The following DNAJC27 variants were observed in gnomAD, a reference collection of about 807,000 sequenced individuals.
DNAJC27 encodes dnaJ homolog subfamily C member 27.
DNAJC27 carries 25 observed loss-of-function variants against 31.4 expected under a neutral mutation model. That is an observed-to-expected ratio of 0.80 (90% CI 0.58 to 1.11). DNAJC27 has a LOEUF of 1.11. Ranked by LOEUF, DNAJC27 falls within the 50% of genes most tolerant of loss-of-function variation. DNAJC27 has a pLI of 0.00. For missense variants in DNAJC27, 356 were observed against 347.3 expected, an observed-to-expected ratio of 1.02 and a Z score of -0.20; for synonymous variants, 106 against 112.7, an observed-to-expected ratio of 0.94 and a Z score of 0.37.
chr2:24,948,095 G>A (rs1665688198), intron 6 of DNAJC27, among the ~76,000 whole-genome samples: 1 of 152,140 alleles, frequency 6.6e-6, no homozygotes, highest in African/African-American at 2.4e-5. Context: ...CACCAGGGAA[G>A]GCATCCAGAG....
At chr2:24,957,996 C>G in intron 3 of DNAJC27, 22 bp from the exon 4 acceptor site, 1 of 1,602,898 alleles carries the variant, frequency 6.2e-7, no homozygotes, top group South Asian at 1.1e-5. Context: ...AGGACAGATA[C>G]ACAAAACGTA....
At chr2:24,956,520 C>T (rs988290682) in intron 5 of DNAJC27, among the ~76,000 whole-genome samples, 2 of 152,244 alleles carry the variant, frequency 1.3e-5, no homozygotes, top group Non-Finnish European at 2.9e-5. Flanking sequence ...TCTAACTGCA[C>T]CCCTGTGGGC....
chr2:24,962,225 T>G (rs1226365253), intron 3 of DNAJC27, among the ~76,000 whole-genome samples: 13 of 151,896 alleles, frequency 8.6e-5, no homozygotes, highest in African/African-American at 2.4e-4. Context: ...TCTTTTGTTT[T>G]TTTTTGTGTT....
intron 3 of DNAJC27, chr2:24,958,579 T>G (rs1210919013): frequency 7.1e-6 from 3 of 422,530 alleles, no homozygotes; most frequent in Non-Finnish European, 1.5e-5. Context: ...TCACTTAACC[T>G]CTCTGCGTCT....
intron 1 of DNAJC27, among the ~76,000 whole-genome samples, chr2:24,970,805 T>C (rs1036819326): frequency 6.6e-6 from 1 of 151,274 alleles, no homozygotes; most frequent in Middle Eastern, 3.4e-3. Context: ...CAAAAAAATG[T>C]TGACTTTCAG....
chr2:24,951,496 T>A lies in DNAJC27; in HGVS notation c.587A>T (p.Asn196Ile). ...CENGGKRPTT[N>I]SSASFTKEQA... ...TTCTTTGGTGAAACTAGCACTGCTA[T>A]TGGTGGTAGGGCGTTTCCCGCCATT... The change falls in exon 6 of 7, where the codon AAT becomes ATT. Residue 196 changes from asparagine (N) to isoleucine (I), a missense_variant. Asn to Ile is a moderately radical substitution (Grantham distance 149). Transcript: ENST00000264711. The A allele has an allele frequency of 6.2e-7, 1 of 1,613,804 alleles. No individual in the cohort carries two copies. The highest frequency in any genetic ancestry group is 8.5e-7 in the Non-Finnish European group (1 of 1,179,812).
chr2:24,946,059 G>A lies in DNAJC27; in HGVS notation c.*1557C>T, dbSNP rs1214700082. On this transcript the variant is annotated 3_prime_UTR_variant, in exon 7 of 7. Transcript: ENST00000264711. The stretch of plus-strand genomic sequence containing the variant: ...TTAGTGTGGTTGCAGCTAAAAGTAT[G>A]AGTGATGTAACAAGAATGACGACGT... 1 of 152,240 alleles carries A rather than the reference G, an allele frequency of 6.6e-6. No individual in the cohort carries two copies. Among genetic ancestry groups the A allele is most frequent in the Admixed American group, 6.5e-5 (1 of 15,280 alleles). The allele number at this position is 152,240 out of a possible 1,614,324, so 9.4% of individuals were successfully genotyped here. A position where few individuals can be genotyped will look rare whatever the true frequency, so the allele number is the denominator to read the frequency against.
intron 5 of DNAJC27, among the ~76,000 whole-genome samples, chr2:24,952,946 GTCTC>G (rs1377500766): frequency 6.6e-6 from 1 of 151,722 alleles, no homozygotes; most frequent in Non-Finnish European, 1.5e-5. Context: ...TTGAGACAGG[GTCTC>G]TCTATGTTGG....
chr2:24,962,629 T>C (rs981203284), intron 3 of DNAJC27, among the ~76,000 whole-genome samples: 1 of 152,152 alleles, frequency 6.6e-6, no homozygotes, highest in Non-Finnish European at 1.5e-5. Context: ...TACATTGAAC[T>C]GAATGAAAAT....
At chr2:24,956,997 A>G in intron 5 of DNAJC27, 46 bp downstream of exon 5, 1 of 1,572,390 alleles carries the variant, frequency 6.4e-7, no homozygotes. Flanking sequence ...GAAAATTGGC[A>G]CAGTGGCCTT....
At position 24,967,272 on chromosome 2, in the gene DNAJC27, A is replaced by C. The variant is rs771148540; in HGVS notation, c.109T>G (p.Cys37Gly). 2 of 1,613,488 alleles carry C rather than the reference A, an allele frequency of 1.2e-6. No homozygotes were observed. Among genetic ancestry groups the C allele is most frequent in the Admixed American group, 1.7e-5 (1 of 60,004 alleles). Residue 37 changes from cysteine (C) to glycine (G), a missense_variant, in exon 2 of 7, where the codon TGT (cysteine) becomes GGT (glycine). Coordinates refer to ENST00000264711, the MANE Select transcript of DNAJC27 (RefSeq NM_016544.3). ...VGKSCIIKRY[C>G]EKRFVSKYLA... ...TATTTAGACACGAATCTTTTCTCAC[A>C]GTATCGCTTTATAATACAGCTCTAA...
intron 1 of DNAJC27, among the ~76,000 whole-genome samples, chr2:24,970,219 T>TTATTGAA (rs1234051868): frequency 1.9e-4 from 29 of 152,334 alleles, no homozygotes; most frequent in African/African-American, 5.8e-4. Context: ...TAATTTTGCT[T>TTATTGAA]TATTGAATTT....
At position 24,971,810 on chromosome 2, in the gene DNAJC27, G is replaced by A; in HGVS notation, c.87+8C>T. 1 of 1,604,778 alleles carries A rather than the reference G, an allele frequency of 6.2e-7. No individual in the cohort carries two copies. The highest frequency in any genetic ancestry group is 2.3e-5 in the East Asian group (1 of 44,088). ...TGGGGCCCGCCCCTCCCGGCTCGCT[G>A]TACTCACTTTCCCCACTTCGGCGTT... On this transcript the variant is annotated splice_region_variant and intron_variant, in intron 1 of 6. Coordinates refer to ENST00000264711, the MANE Select transcript of DNAJC27 (RefSeq NM_016544.3).
rs964894196 is a variant in DNAJC27, at chr2:24,945,747, A to G, written c.*1869T>C. On this transcript the variant is annotated 3_prime_UTR_variant, in exon 7 of 7. Transcript: ENST00000264711. The stretch of plus-strand genomic sequence containing the variant: ...TCAGTTCATTTAAAAAGTTGTTTTG[A>G]TATTACCAAGATGAAAAGTGCGATG... The G allele has an allele frequency of 6.6e-6, 1 of 152,244 alleles. No homozygotes were observed. Among genetic ancestry groups the G allele is most frequent in the South Asian group, 2.1e-4 (1 of 4,836 alleles). 9.4% of individuals were successfully genotyped at this position (152,244 alleles called of 1,614,324 possible). A position where few individuals can be genotyped will look rare whatever the true frequency, so the allele number is the denominator to read the frequency against.
At chr2:24,957,691 G>A (rs1430823222) in intron 4 of DNAJC27, 119 bp downstream of exon 4, 1 of 959,308 alleles carries the variant, frequency 1.0e-6, no homozygotes, top group Non-Finnish European at 1.6e-6. Flanking sequence ...ATTATGTTTT[G>A]AAAGGTTATT....
In DNAJC27 at chr2:24,947,145, T is replaced by G. The variant is rs954405460; in HGVS notation, c.*471A>C. The G allele has an allele frequency of 6.5e-6, 1 of 154,364 alleles. No homozygotes were observed. The highest frequency in any genetic ancestry group is 1.4e-5 in the Non-Finnish European group (1 of 69,356). The allele number at this position is 154,364 out of a possible 1,614,324, so 9.6% of individuals were successfully genotyped here. A position where few individuals can be genotyped will look rare whatever the true frequency, so the allele number is the denominator to read the frequency against. On this transcript the variant is annotated 3_prime_UTR_variant, in exon 7 of 7. Coordinates refer to ENST00000264711, the MANE Select transcript of DNAJC27 (RefSeq NM_016544.3). ...TTAAAATACCACCTAAGGAACTCAT[T>G]GTAAAAGCAGCAACTTGTCTGTAAG...
Position 24,944,457 on chromosome 2 carries a change from A to C in DNAJC27, c.*3159T>G, listed in dbSNP as rs1428969216. Reference sequence around the variant, plus strand: ...AATTTAGCTGCCTTATCTATAGCTCATTTAACTAACAGTGAATTAGGTACT... The same window carrying C: ...AATTTAGCTGCCTTATCTATAGCTCCTTTAACTAACAGTGAATTAGGTACT... On this transcript the variant is annotated 3_prime_UTR_variant, in exon 7 of 7. Transcript: ENST00000264711. The C allele has an allele frequency of 6.6e-6, 1 of 152,156 alleles. No individual in the cohort carries two copies. 9.4% of individuals were successfully genotyped at this position (152,156 alleles called of 1,614,324 possible).
At chr2:24,958,703 C>T (rs527830698) in intron 3 of DNAJC27, 1 of 182,520 alleles carries the variant, frequency 5.5e-6, no homozygotes, top group African/African-American at 2.4e-5. Flanking sequence ...AAAACAATGT[C>T]TATTTAACAC....
chr2:24,965,938 T>G (rs1666169533), intron 2 of DNAJC27, among the ~76,000 whole-genome samples: 1 of 152,214 alleles, frequency 6.6e-6, no homozygotes, highest in Non-Finnish European at 1.5e-5. Flanking sequence ...GCCAGGCACT[T>G]GGAGAAAATT....
Sources: allele counts gnomAD v4.1 joint callset (sites outside exome capture counted in the v4.1 genomes callset), GRCh38; gene constraint gnomAD v4.1.1; transcripts MANE v1.5; gene names NCBI Gene and HGNC (gene_info 2026-07-23, HGNC 2026-07-21).